CADM2: variants seen among roughly 807,000 people sequenced by gnomAD.
CADM2 encodes the protein immunoglobulin superfamily member 4D.
CADM2 carries 12 observed loss-of-function variants against 49.8 expected under a neutral mutation model. The observed-to-expected ratio is 0.24, with a 90% CI of 0.15 to 0.39. The LOEUF (loss-of-function observed/expected upper bound fraction) is 0.39, where lower values mean the gene tolerates loss of function less well. Among genes scored for constraint, CADM2 ranks in the 10% least tolerant of loss-of-function variants. The pLI is 1.00. For missense variants in CADM2, 378 were observed against 492.3 expected (o/e 0.77, Z 2.20); for synonymous variants, 214 against 175.4 (o/e 1.22, Z -1.74).
chr3:85,577,432 C>T (rs565699351), intron 1 of CADM2, among the ~76,000 whole-genome samples: 2 of 152,124 alleles, frequency 1.3e-5, no homozygotes, highest in Non-Finnish European at 2.9e-5. Flanking sequence ...GTTGCTCTCT[C>T]GCACGTGCTC....
At chr3:85,840,671 C>T (rs2074602353) in intron 3 of CADM2, among the ~76,000 whole-genome samples, 1 of 151,792 alleles carries the variant, frequency 6.6e-6, no homozygotes, top group African/African-American at 2.4e-5. Context: ...GTGAACCCAA[C>T]TGTTACTTGC....
chr3:85,082,253 A>C (rs1275432544), intron 1 of CADM2, among the ~76,000 whole-genome samples: 1 of 152,302 alleles, frequency 6.6e-6, no homozygotes, highest in South Asian at 2.1e-4. Flanking sequence ...AGAAAATAAT[A>C]GTAATATCCA....
chr3:85,088,399 A>C (rs771725567), intron 1 of CADM2, among the ~76,000 whole-genome samples: 1 of 152,170 alleles, frequency 6.6e-6, no homozygotes, highest in Non-Finnish European at 1.5e-5. Context: ...TGTTAAACAT[A>C]GTATTTGTAA....
At chr3:85,781,837 T>C (rs777983726) in intron 2 of CADM2, among the ~76,000 whole-genome samples, 1 of 152,172 alleles carries the variant, frequency 6.6e-6, no homozygotes, top group African/African-American at 2.4e-5. Context: ...AAATTTAAAA[T>C]TAACAATTAG....
chr3:85,560,701 T>C (rs2062072496), intron 1 of CADM2, among the ~76,000 whole-genome samples: 1 of 152,228 alleles, frequency 6.6e-6, no homozygotes, highest in African/African-American at 2.4e-5. Context: ...CAAAGACTAA[T>C]GTTCTCAACT....
intron 1 of CADM2, among the ~76,000 whole-genome samples, chr3:85,650,879 ACTT>A (rs1164510384): frequency 6.7e-6 from 1 of 148,912 alleles, no homozygotes; most frequent in Admixed American, 6.8e-5. Context: ...CACATTATAT[ACTT>A]CTTTGTAAAC....
intron 3 of CADM2, among the ~76,000 whole-genome samples, chr3:85,804,185 G>A (rs532319410): frequency 6.6e-6 from 1 of 152,146 alleles, no homozygotes. Flanking sequence ...TTAAGGACAT[G>A]TCTCATTTGC....
intron 1 of CADM2, among the ~76,000 whole-genome samples, chr3:85,310,465 T>C (rs1013379515): frequency 1.2e-4 from 18 of 152,180 alleles, no homozygotes; most frequent in African/African-American, 4.3e-4. Flanking sequence ...TGGGCACCTA[T>C]TGTCATACTC....
chr3:85,489,931 C>T (rs2039602345), intron 1 of CADM2, among the ~76,000 whole-genome samples: 1 of 151,868 alleles, frequency 6.6e-6, no homozygotes, highest in Admixed American at 6.6e-5. Flanking sequence ...AAATATAACC[C>T]CATGCCTTCC....
intron 8 of CADM2, among the ~76,000 whole-genome samples, chr3:85,982,175 G>C (rs113315849): frequency 1.3e-4 from 19 of 151,712 alleles, no homozygotes; most frequent in African/African-American, 4.6e-4. Flanking sequence ...ATCTGTTAAT[G>C]TCCTTTGTCA....
chr3:85,579,829 G>A (rs1164947277), intron 1 of CADM2, among the ~76,000 whole-genome samples: 1 of 151,908 alleles, frequency 6.6e-6, no homozygotes, highest in Non-Finnish European at 1.5e-5. Flanking sequence ...TATGTATATT[G>A]CATTTATATG....
chr3:85,918,759 G>A (rs79319082), intron 6 of CADM2, among the ~76,000 whole-genome samples: 6,753 of 152,146 alleles, frequency 0.044, 508 homozygotes, highest in African/African-American at 0.15. Flanking sequence ...CAACTGAGCA[G>A]TGGGAAAAAC....
intron 1 of CADM2, among the ~76,000 whole-genome samples, chr3:85,497,154 C>T (rs1048247077): frequency 6.6e-6 from 1 of 152,088 alleles, no homozygotes; most frequent in African/African-American, 2.4e-5. Context: ...GAAGTGTCTG[C>T]TCAAGGATTT....
At chr3:85,241,643 AAACTT>A (rs2042531713) in intron 1 of CADM2, among the ~76,000 whole-genome samples, 1 of 151,616 alleles carries the variant, frequency 6.6e-6, no homozygotes, top group African/African-American at 2.4e-5. Flanking sequence ...TTACATCACT[AAACTT>A]AGTAGATACA....
chr3:85,747,001 T>C (rs560125865), intron 2 of CADM2, among the ~76,000 whole-genome samples: 2 of 152,272 alleles, frequency 1.3e-5, no homozygotes, highest in Admixed American at 1.3e-4. Context: ...TAACCTGACT[T>C]CTGCCTGATT....
At chr3:85,720,896 T>C (rs2067480567) in intron 1 of CADM2, among the ~76,000 whole-genome samples, 1 of 152,210 alleles carries the variant, frequency 6.6e-6, no homozygotes, top group Non-Finnish European at 1.5e-5. Flanking sequence ...TAGTAGAATT[T>C]CCCCTTTTCA....
At chr3:85,764,637 A>G (rs539814354) in intron 2 of CADM2, among the ~76,000 whole-genome samples, 4 of 152,088 alleles carry the variant, frequency 2.6e-5, no homozygotes, top group Non-Finnish European at 5.9e-5. Context: ...TTCAGTTCCA[A>G]ATTCCTTATG....
chr3:85,437,098 T>C (rs528566243), intron 1 of CADM2, among the ~76,000 whole-genome samples: 1 of 152,248 alleles, frequency 6.6e-6, no homozygotes, highest in South Asian at 2.1e-4. Context: ...TGGAATCATA[T>C]AGTATGTAGC....
intron 1 of CADM2, among the ~76,000 whole-genome samples, chr3:85,095,946 A>G (rs1401933055): frequency 1.3e-5 from 2 of 152,002 alleles, no homozygotes; most frequent in African/African-American, 4.8e-5. Flanking sequence ...GTTGAGATGG[A>G]TGCTCGCTGA....
Sources: gnomAD v4.1 joint callset for allele counts (sites outside exome capture counted in the v4.1 genomes callset) on GRCh38, gnomAD v4.1.1 for gene constraint, MANE v1.5 for transcripts, NCBI Gene and HGNC (gene_info 2026-07-23, HGNC 2026-07-21) for gene names.